The following NASP variants were observed in gnomAD, a reference collection of about 807,000 sequenced individuals.
The protein encoded by NASP is nuclear autoantigenic sperm protein, also known as NASP histone chaperone.
In NASP, 24 loss-of-function variants were observed where a neutral mutation model predicts 89.5. The ratio of observed to expected loss-of-function variants is 0.27; its 90% confidence interval spans 0.19 to 0.38. NASP has a LOEUF of 0.38. NASP is among the 10% of genes least tolerant of loss of function. The pLI is 1.00. For synonymous variants in NASP, 306 were observed against 324.7 expected (o/e 0.94, Z 0.62); for missense variants, 848 against 921.4 (o/e 0.92, Z 1.03).
Position 45,594,774 on chromosome 1 carries a change from G to T in NASP, c.107+3504G>T, listed in dbSNP as rs777302883. On this transcript the variant is annotated intron_variant, in intron 2 of 14. Transcript: ENST00000350030. The stretch of plus-strand genomic sequence containing the variant: ...GCCACCTGAAGTGCTGGGATTACAG[G>T]TGTGAGCCACTATGCTTGGCATAAG... 43 of 450,242 alleles carry T rather than the reference G, an allele frequency of 9.6e-5. 1 individual carries two copies. Among genetic ancestry groups the T allele is most frequent in the South Asian group, 6.7e-4 (43 of 64,226 alleles). 27.9% of individuals were successfully genotyped at this position (450,242 alleles called of 1,614,324 possible).
rs772254900 is a variant in NASP at position 45,614,104 on chromosome 1, A to G, written c.1515A>G (p.Gln505=). 3.9e-5 allele frequency: 62 copies of G among 1,598,264 alleles called. 1 individual carries two copies. In the Admixed American group the frequency reaches 1.0e-3, roughly 27 times the overall value. ...NDSVLENKSL[Q]ENEEEEIGNL... ...ATTTGGTTATACTTTAGTCTCTTCA[A>G]GAAAATGAGGAGGAGGAGATTGGGA... The change falls in exon 8 of 15, where the codon CAA becomes CAG. Residue 505 remains glutamine (Q), a synonymous_variant. Coordinates refer to ENST00000350030, the MANE Select transcript of NASP (RefSeq NM_002482.4).
Position 45,591,275 on chromosome 1 carries a change from G to T in NASP, c.107+5G>T. The T allele has an allele frequency of 2.0e-6, 3 of 1,510,610 alleles. No individual in the cohort carries two copies. Among genetic ancestry groups the T allele is most frequent in the Non-Finnish European group, 2.7e-6 (3 of 1,116,824 alleles). The allele number at this position is 1,510,610 out of a possible 1,614,324, so 93.6% of individuals were successfully genotyped here. A position where few individuals can be genotyped will look rare whatever the true frequency, so the allele number is the denominator to read the frequency against. ...ATCTGCAGATAAAGTGGAGAGGTAA[G>T]ATTATTTACATGGTAGTTAGATTCG... On this transcript the variant is annotated splice_donor_5th_base_variant and intron_variant, in intron 2 of 14. Transcript: ENST00000350030.
chr1:45,614,065 C>T (rs754542217), intron 7 of NASP, 31 bp from the exon 8 acceptor site: 3 of 1,424,182 alleles, frequency 2.1e-6, no homozygotes, highest in Non-Finnish European at 3.0e-6. Flanking sequence ...GAAAAAGATG[C>T]CTATCTTTTT....
At position 45,618,318 on chromosome 1, in the gene NASP, A is replaced by G. The variant is rs763914139; in HGVS notation, c.*177A>G. 9.1e-6 allele frequency: 5 copies of G among 549,644 alleles called. No homozygotes were observed. The highest frequency in any genetic ancestry group is 1.7e-5 in the Non-Finnish European group (5 of 301,508). The allele number at this position is 549,644 out of a possible 1,614,324, so 34.0% of individuals were successfully genotyped here. On this transcript the variant is annotated 3_prime_UTR_variant, in exon 15 of 15. Transcript: ENST00000350030. ...CCTTGGAGCACTGCTGGTTTTATAT[A>G]TTAGCCAAAGGTTTTGTTCTGGCCT...
At chr1:45,610,347 A>G (rs1269411394) in intron 6 of NASP, 1 of 152,228 alleles carries the variant, frequency 6.6e-6, no homozygotes, top group Admixed American at 6.5e-5. Context: ...TTTACAAAAG[A>G]AGAAATGGGA....
At chr1:45,592,452 G>C (rs1238017054) in intron 2 of NASP, among the ~76,000 whole-genome samples, 2 of 152,194 alleles carry the variant, frequency 1.3e-5, no homozygotes, top group Non-Finnish European at 2.9e-5. Flanking sequence ...TTGGGTTCAT[G>C]TGTTATGGAA....
rs1420332684 is a variant in NASP at position 45,607,717 on chromosome 1, G to A, written c.806G>A (p.Ser269Asn). 1.2e-6 allele frequency: 2 copies of A among 1,614,214 alleles called. No homozygotes were observed. Among genetic ancestry groups the A allele is most frequent in the South Asian group, 2.2e-5 (2 of 91,086 alleles). The change falls in exon 6 of 15, where the codon AGC becomes AAC. Residue 269 changes from serine to asparagine, a missense_variant. Around this residue, in one of 5 missense-constraint regions of NASP, gnomAD observed 464 missense variants for 469.4 expected, o/e 0.99. Coordinates refer to ENST00000350030, the MANE Select transcript of NASP (RefSeq NM_002482.4). ...GAGAAGCAGGGAGAGGTAATTGTGA[G>A]CATAGAGGAGAAGCCAAAAGAAGTT... Reference protein sequence around the residue: ...GQEKQGEVIVSIEEKPKEVSE... With the variant: ...GQEKQGEVIVNIEEKPKEVSE...
At chr1:45,587,173 A>C (rs528374922) in intron 1 of NASP, among the ~76,000 whole-genome samples, 4 of 151,700 alleles carry the variant, frequency 2.6e-5, no homozygotes, top group Admixed American at 1.3e-4. Context: ...CTTTCTAACT[A>C]GTTCTTAGTT....
intron 2 of NASP, among the ~76,000 whole-genome samples, chr1:45,598,231 C>T (rs906353933): frequency 2.7e-5 from 4 of 147,166 alleles, no homozygotes; most frequent in Admixed American, 1.4e-4. Context: ...AATGCAATGG[C>T]ACGATCTTGG....
intron 1 of NASP, among the ~76,000 whole-genome samples, chr1:45,588,076 C>G (rs1324661491): frequency 6.6e-6 from 1 of 150,834 alleles, no homozygotes; most frequent in East Asian, 2.1e-4. Context: ...CCCGTCTCTA[C>G]TAAAAATACA....
chr1:45,614,857 A>C, intron 9 of NASP, 156 bp from the exon 10 acceptor site: 2 of 704,986 alleles, frequency 2.8e-6, no homozygotes, highest in Non-Finnish European at 4.6e-6. Context: ...TTTAAAAGTC[A>C]TTTTGACTTT....
At position 45,584,121 on chromosome 1, in the gene NASP, C is replaced by G; in HGVS notation, c.-26C>G. The G allele has an allele frequency of 6.4e-7, 1 of 1,574,122 alleles. No individual in the cohort carries two copies. Among genetic ancestry groups the G allele is most frequent in the Non-Finnish European group, 8.6e-7 (1 of 1,158,612 alleles). On this transcript the variant is annotated 5_prime_UTR_variant, in exon 1 of 15. Transcript: ENST00000350030. ...TTTTTCTCGCAGGCTCTATTCCGTT[C>G]GCTGGTTCGCCACCTCAGGGGAACG... is the stretch of plus-strand genomic sequence containing the variant.
At position 45,612,892 on chromosome 1, in the gene NASP, T is replaced by C. The variant is rs72883658; in HGVS notation, c.1427-277T>C. ...ATAAGAGGCAGTAGCCAATGTTTCTTATTCTGAATGGTCCAGGTTGACTTT... is the reference window on the plus strand; with the variant it reads ...ATAAGAGGCAGTAGCCAATGTTTCTCATTCTGAATGGTCCAGGTTGACTTT... On this transcript the variant is annotated intron_variant, in intron 6 of 14. Transcript: ENST00000350030. 3.1e-3 allele frequency: 812 copies of C among 258,316 alleles called. 8 individuals are homozygous for C. Among genetic ancestry groups the C allele is most frequent in the African/African-American group, 0.017 (746 of 44,994 alleles). The allele number at this position is 258,316 out of a possible 1,614,324, so 16.0% of individuals were successfully genotyped here.
chr1:45,613,274 T>A, intron 7 of NASP, 26 bp downstream of exon 7: 2 of 1,586,842 alleles, frequency 1.3e-6, no homozygotes, highest in Non-Finnish European at 8.6e-7. Context: ...CTCAGTACTG[T>A]TGTCAGCCTT....
intron 1 of NASP, among the ~76,000 whole-genome samples, chr1:45,586,382 C>G (rs1391114587): frequency 1.3e-5 from 2 of 151,066 alleles, no homozygotes; most frequent in Non-Finnish European, 3.0e-5. Flanking sequence ...ACCTCCTGGC[C>G]TCAAGTGATT....
chr1:45,595,929 T>G (rs1394658554), intron 2 of NASP, among the ~76,000 whole-genome samples: 1 of 152,248 alleles, frequency 6.6e-6, no homozygotes, highest in African/African-American at 2.4e-5. Context: ...TTGAGCTACT[T>G]TTTTCATGTA....
chr1:45,586,280 GTGTGGTGTGTGTGT>G (rs1292294806), intron 1 of NASP, among the ~76,000 whole-genome samples: 30 of 45,698 alleles, frequency 6.6e-4, no homozygotes, highest in African/African-American at 1.8e-3. Flanking sequence ...GTGTGTGTGT[GTGTGGTGTGTGTGT>G]GTGTGTGTGT....
chr1:45,607,758 G>A lies in NASP; in HGVS notation c.847G>A (p.Val283Met), dbSNP rs769101756. ...KPKEVSEEQP[V>M]VTLEKQGTAV... is the part of the protein sequence containing the mutation. ...AAAAGAAGTTTCAGAAGAGCAGCCT[G>A]TGGTGACTCTAGAAAAGCAGGGCAC... The change falls in exon 6 of 15, where the codon GTG (valine) becomes ATG (methionine). Residue 283 changes from valine (V) to methionine (M), a missense_variant. Physicochemically the swap from Val to Met is conservative, Grantham distance 21 (BLOSUM62 1). This residue lies in a region of NASP where 464 missense variants were observed against 469.4 expected (regional missense o/e 0.99). Transcript: ENST00000350030. 6.2e-6 allele frequency: 10 copies of A among 1,614,062 alleles called. No homozygotes were observed. Among genetic ancestry groups the A allele is most frequent in the Non-Finnish European group, 7.6e-6 (9 of 1,180,026 alleles).
chr1:45,585,141 A>G (rs1644513069), intron 1 of NASP, among the ~76,000 whole-genome samples: 1 of 152,218 alleles, frequency 6.6e-6, no homozygotes, highest in South Asian at 2.1e-4. Flanking sequence ...ACTCAGGCGT[A>G]ATCTGTTTTT....
Sources: allele counts gnomAD v4.1 joint callset (sites outside exome capture counted in the v4.1 genomes callset), GRCh38; gene constraint gnomAD v4.1.1; regional missense constraint gnomAD v4.1.1; transcripts MANE v1.5; gene names NCBI Gene and HGNC (gene_info 2026-07-23, HGNC 2026-07-21).